Variants in RABGAP1 observed in about 807,000 individuals in gnomAD.
The protein encoded by RABGAP1 is RAB GTPase activating protein 1.
RABGAP1 carries 23 observed loss-of-function variants against 137.6 expected under a neutral mutation model. That is an observed-to-expected ratio of 0.17 (90% CI 0.12 to 0.24). The LOEUF (loss-of-function observed/expected upper bound fraction) is 0.24, where lower values mean the gene tolerates loss of function less well. RABGAP1 is among the 10% of genes least tolerant of loss of function. The probability of loss-of-function intolerance (pLI) is 1.00; values close to 1 mark genes in which losing one functional copy is unlikely to be tolerated. For synonymous variants in RABGAP1, 451 were observed against 450.7 expected (o/e 1.00, Z -0.01); for missense variants, 906 against 1,275.8 (o/e 0.71, Z 4.42).
In RABGAP1 at chr9:123,040,574, T is replaced by G. The variant is rs139775032; in HGVS notation, c.1794+20115T>G. ...TAGTCAGATTCTTTGCAAGTCTTAG[T>G]AGTCTGCAAGCCTGCAACTCATTCT... On this transcript the variant is annotated intron_variant, in intron 13 of 25. Transcript: ENST00000373647. 5.3e-5 allele frequency among the ~76,000 whole-genome samples: 8 copies of G among 152,338 alleles called. No individual in the cohort carries two copies. The South Asian group carries it at 1.2e-3, about 24-fold the overall frequency.
At chr9:123,037,856 T>A (rs1297662004) in intron 13 of RABGAP1, among the ~76,000 whole-genome samples, 1 of 152,154 alleles carries the variant, frequency 6.6e-6, no homozygotes, top group East Asian at 1.9e-4. Context: ...CCTGGCATAT[T>A]TAATGCAACA....
chr9:122,936,607 G>A (rs1470627874), upstream of RABGAP1, among the ~76,000 whole-genome samples: 5 of 152,164 alleles, frequency 3.3e-5, no homozygotes, highest in African/African-American at 1.2e-4. Flanking sequence ...CTGGGTGGGC[G>A]ATACGAACTT....
intron 2 of RABGAP1, among the ~76,000 whole-genome samples, chr9:122,976,515 A>G (rs1835768348): frequency 6.6e-6 from 1 of 152,190 alleles, no homozygotes; most frequent in South Asian, 2.1e-4. Context: ...GTATTTTAGT[A>G]GATAAAGCTA....
At chr9:122,955,202 C>A (rs1320687165) in intron 1 of RABGAP1, among the ~76,000 whole-genome samples, 1 of 152,192 alleles carries the variant, frequency 6.6e-6, no homozygotes, top group African/African-American at 2.4e-5. Flanking sequence ...TAGCAAAGGT[C>A]TAAGTTAGTC....
intron 11 of RABGAP1, among the ~76,000 whole-genome samples, chr9:123,015,282 A>G (rs993822074): frequency 7.2e-6 from 1 of 139,136 alleles, no homozygotes; most frequent in African/African-American, 2.7e-5. Context: ...TTATAATTAA[A>G]TAGCTCCTTT....
At chr9:122,986,678 G>T (rs1836388107) in intron 4 of RABGAP1, among the ~76,000 whole-genome samples, 1 of 152,124 alleles carries the variant, frequency 6.6e-6, no homozygotes, top group African/African-American at 2.4e-5. Flanking sequence ...GAAATATATT[G>T]ACATGAGTCA....
intron 5 of RABGAP1, 77 bp downstream of exon 5, chr9:122,989,548 T>C (rs1425112816): frequency 6.9e-7 from 1 of 1,439,770 alleles, no homozygotes. Context: ...TTATGGTATT[T>C]ATTATGATCA....
chr9:123,045,423 T>G (rs1370253206), intron 13 of RABGAP1, among the ~76,000 whole-genome samples: 2 of 152,202 alleles, frequency 1.3e-5, no homozygotes, highest in African/African-American at 2.4e-5. Context: ...CTTCGTGGTA[T>G]GTATTCGTAG....
chr9:123,067,456 A>G (rs750999365), intron 14 of RABGAP1, among the ~76,000 whole-genome samples: 1 of 152,208 alleles, frequency 6.6e-6, no homozygotes, highest in Non-Finnish European at 1.5e-5. Context: ...TTTATAACCC[A>G]TGGAATTAAA....
At chr9:123,015,289 C>CTTTTT (rs34492374) in intron 11 of RABGAP1, among the ~76,000 whole-genome samples, 2 of 121,692 alleles carry the variant, frequency 1.6e-5, no homozygotes, top group Non-Finnish European at 3.4e-5. Context: ...TAAATAGCTC[C>CTTTTT]TTTTTTTTTT....
intron 1 of RABGAP1, among the ~76,000 whole-genome samples, chr9:122,947,905 TGGAAA>T (rs954086822): frequency 1.3e-5 from 2 of 152,114 alleles, no homozygotes; most frequent in Admixed American, 6.5e-5. Context: ...TTAGTAGTGG[TGGAAA>T]GGAATTTATT....
intron 11 of RABGAP1, among the ~76,000 whole-genome samples, chr9:123,011,038 T>G (rs1271393383): frequency 6.6e-6 from 1 of 151,862 alleles, no homozygotes; most frequent in Non-Finnish European, 1.5e-5. Context: ...ATCTATTGAA[T>G]TAATCTGTCA....
intron 21 of RABGAP1, among the ~76,000 whole-genome samples, chr9:123,095,310 T>G (rs2035150299): frequency 6.6e-6 from 1 of 151,958 alleles, no homozygotes; most frequent in Non-Finnish European, 1.5e-5. Flanking sequence ...TTTCTGCTTT[T>G]ACTTTCTTTG....
At chr9:123,084,970 C>T (rs1002379972) in intron 19 of RABGAP1, among the ~76,000 whole-genome samples, 7 of 152,166 alleles carry the variant, frequency 4.6e-5, no homozygotes, top group African/African-American at 1.4e-4. Context: ...TACCACGTCG[C>T]GCCTGCCCAG....
intron 2 of RABGAP1, among the ~76,000 whole-genome samples, chr9:122,976,941 ACT>A (rs1044360867): frequency 2.8e-4 from 42 of 152,268 alleles, no homozygotes; most frequent in African/African-American, 7.5e-4. Context: ...GAAAGGAAAC[ACT>A]CTATACAAAG....
chr9:123,100,433 G>A (rs943217792), intron 24 of RABGAP1, among the ~76,000 whole-genome samples: 1 of 142,526 alleles, frequency 7.0e-6, no homozygotes, highest in East Asian at 2.0e-4. Flanking sequence ...GTGTGTGTGT[G>A]TGTGTTTGAG....
At position 123,035,530 on chromosome 9, in the gene RABGAP1, A is replaced by G. The variant is rs908280047; in HGVS notation, c.1794+15071A>G. ...AGGACTAAAGCGCCTCTCAGGGGCT[A>G]TGTGTACTTCTTGTGCAAGTCAGAC... On this transcript the variant is annotated intron_variant, in intron 13 of 25. Transcript: ENST00000373647. 1.4e-5 allele frequency: 22 copies of G among 1,613,812 alleles called. No homozygotes were observed. The highest frequency in any genetic ancestry group is 1.6e-5 in the Non-Finnish European group (19 of 1,179,850).
chr9:123,010,200 C>CA (rs1349867508), intron 10 of RABGAP1, among the ~76,000 whole-genome samples, 154 bp from the exon 11 acceptor site: 15 of 151,820 alleles, frequency 9.9e-5, no homozygotes, highest in South Asian at 2.1e-4. Flanking sequence ...TGTAGATACT[C>CA]AAAAAAACAT....
At chr9:123,015,455 C>T (rs1425893829) in intron 11 of RABGAP1, 88 bp from the exon 12 acceptor site, 1 of 776,338 alleles carries the variant, frequency 1.3e-6, no homozygotes, top group Non-Finnish European at 2.1e-6. Context: ...CCAGTAAAGT[C>T]TTTCAAATTT....
Sources: allele counts gnomAD v4.1 joint callset (sites outside exome capture counted in the v4.1 genomes callset), GRCh38; gene constraint gnomAD v4.1.1; transcripts MANE v1.5; gene names NCBI Gene and HGNC (gene_info 2026-07-23, HGNC 2026-07-21).